CDH4: variants seen among roughly 807,000 people sequenced by gnomAD.
CDH4 encodes cadherin-4.
Under a neutral mutation model 86.0 loss-of-function variants are expected in CDH4, and 33 were observed. The ratio of observed to expected loss-of-function variants is 0.38; its 90% CI spans 0.29 to 0.51. The LOEUF is 0.51. Among genes scored for constraint, CDH4 ranks in the 20% least tolerant of loss-of-function variants. The probability of loss-of-function intolerance (pLI) is 0.86; values close to 1 mark genes in which losing one functional copy is unlikely to be tolerated. For synonymous variants in CDH4, 555 were observed against 549.4 expected (o/e 1.01, Z -0.14); for missense variants, 1,114 against 1,307.4 (o/e 0.85, Z 2.28).
intron 2 of CDH4, among the ~76,000 whole-genome samples, chr20:61,298,251 C>T (rs1257364254): frequency 2.0e-5 from 3 of 152,140 alleles, no homozygotes; most frequent in Admixed American, 6.5e-5. Flanking sequence ...ATAAGCATCC[C>T]GGCCACCAGC....
At chr20:61,306,847 T>A (rs569331932) in intron 2 of CDH4, among the ~76,000 whole-genome samples, 1 of 152,250 alleles carries the variant, frequency 6.6e-6, no homozygotes, top group East Asian at 1.9e-4. Context: ...TTTCGAACTT[T>A]GTGTCGACAG....
intron 2 of CDH4, among the ~76,000 whole-genome samples, chr20:61,409,011 G>A (rs1005326828): frequency 6.6e-6 from 1 of 152,210 alleles, no homozygotes; most frequent in African/African-American, 2.4e-5. Flanking sequence ...CGGAAACTGT[G>A]CAGTTTAGAA....
chr20:61,275,214 A>ATTTGGGGGAGTACCGTGTGCAG (rs2084221744), intron 2 of CDH4, among the ~76,000 whole-genome samples: 6 of 31,756 alleles, frequency 1.9e-4, no homozygotes, highest in Non-Finnish European at 2.9e-4. Context: ...ACTGTATGCA[A>ATTTGGGGGAGTACCGTGTGCAG]TTTGGGGGAG....
intron 2 of CDH4, among the ~76,000 whole-genome samples, chr20:61,376,003 T>TTTGTGC (rs2084869411): frequency 8.1e-5 from 1 of 12,418 alleles, no homozygotes; most frequent in Non-Finnish European, 1.7e-4. Flanking sequence ...TGTGATGGTC[T>TTTGTGC]TGGTGGTGGT....
chr20:61,781,332 G>A lies in CDH4; in HGVS notation c.576+8150G>A, dbSNP rs865846518. ...GAACCCTGAGATCACCCAGACATTG[G>A]AACTAGCAGCAAGGCCTTTAACATA... is the stretch of plus-strand genomic sequence containing the variant. On this transcript the variant is annotated intron_variant, in intron 4 of 15. Coordinates refer to ENST00000614565, the MANE Select transcript of CDH4 (RefSeq NM_001794.5). 8.5e-5 allele frequency among the ~76,000 whole-genome samples: 13 copies of A among 152,232 alleles called. 1 individual carries two copies. The highest frequency in any genetic ancestry group is 4.2e-4 in the South Asian group (2 of 4,818).
At chr20:61,648,114 G>C (rs1047851370) in intron 2 of CDH4, among the ~76,000 whole-genome samples, 2 of 152,250 alleles carry the variant, frequency 1.3e-5, no homozygotes, top group African/African-American at 4.8e-5. Context: ...CCTCAGAGGA[G>C]CGCAGGTGCA....
chr20:61,757,275 TG>T, intron 3 of CDH4, among the ~76,000 whole-genome samples: 1 of 149,524 alleles, frequency 6.7e-6, no homozygotes, highest in East Asian at 2.0e-4. Flanking sequence ...GTTTCGGGGG[TG>T]GTGGGCCGTC....
At chr20:61,361,772 C>T (rs562342118) in intron 2 of CDH4, among the ~76,000 whole-genome samples, 1 of 152,306 alleles carries the variant, frequency 6.6e-6, no homozygotes, top group African/African-American at 2.4e-5. Context: ...AGTCTGTGCT[C>T]GGGCATAGGG....
At chr20:61,905,359 G>A (rs771011071) in intron 8 of CDH4, among the ~76,000 whole-genome samples, 2 of 152,238 alleles carry the variant, frequency 1.3e-5, no homozygotes, top group African/African-American at 2.4e-5. Context: ...GCAAGGGAAT[G>A]GACGCAGAGA....
At chr20:61,786,568 A>G (rs1978894137) in intron 4 of CDH4, among the ~76,000 whole-genome samples, 1 of 152,148 alleles carries the variant, frequency 6.6e-6, no homozygotes, top group Admixed American at 6.6e-5. Context: ...GAAATGCTTT[A>G]ATGGCTATAT....
intron 4 of CDH4, among the ~76,000 whole-genome samples, chr20:61,791,928 G>A (rs1391232335): frequency 6.6e-6 from 1 of 152,114 alleles, no homozygotes; most frequent in Admixed American, 6.5e-5. Context: ...GCAGGAGCAG[G>A]TCCCAGGGCC....
chr20:61,362,586 TG>T (rs556621029), intron 2 of CDH4, among the ~76,000 whole-genome samples: 69 of 151,648 alleles, frequency 4.6e-4, no homozygotes, highest in South Asian at 1.0e-3. Flanking sequence ...AGCAGAGACG[TG>T]GCCTAGGACA....
At chr20:61,471,370 GTC>G (rs1483798114) in intron 2 of CDH4, among the ~76,000 whole-genome samples, 3 of 151,822 alleles carry the variant, frequency 2.0e-5, no homozygotes, top group African/African-American at 7.2e-5. Context: ...CAGTTGCAAT[GTC>G]TCTTTTTTCA....
At chr20:61,936,655 C>G in intron 15 of CDH4, 82 bp from the exon 16 acceptor site, 1 of 1,195,078 alleles carries the variant, frequency 8.4e-7, no homozygotes, top group South Asian at 1.8e-5. Flanking sequence ...ACCTCTTCTT[C>G]TGGGCCTCGC....
In CDH4 at chr20:61,852,891, C is replaced by T. The variant is rs921509312; in HGVS notation, c.870C>T (p.Ser290=). 5.5e-5 allele frequency: 88 copies of T among 1,613,730 alleles called. No homozygotes were observed. The highest frequency in any genetic ancestry group is 8.3e-5 in the Admixed American group (5 of 59,998). ...ACAACGGCTCCGTGGACGAGGGCTC[C>T]AAGCCAGGTGAGGCCTTTAGCGTTT... is the stretch of plus-strand genomic sequence containing the variant. The part of the protein sequence containing the change: ...QVYNGSVDEG[S]KPGTYVMTVT... The change falls in exon 6 of 16, where the codon TCC becomes TCT. Residue 290 remains serine (S), a synonymous_variant. Coordinates refer to ENST00000614565, the MANE Select transcript of CDH4 (RefSeq NM_001794.5).
intron 2 of CDH4, among the ~76,000 whole-genome samples, chr20:61,446,604 C>T (rs1264488903): frequency 7.3e-5 from 11 of 151,654 alleles, no homozygotes; most frequent in Non-Finnish European, 1.6e-4. Flanking sequence ...GGCTGTAAAG[C>T]GAATTCTTGT....
At chr20:61,272,291 A>G (rs1335096027) in intron 2 of CDH4, among the ~76,000 whole-genome samples, 1 of 152,186 alleles carries the variant, frequency 6.6e-6, no homozygotes, top group African/African-American at 2.4e-5. Flanking sequence ...AGGAGGCACT[A>G]ATTAATCACT....
intron 2 of CDH4, among the ~76,000 whole-genome samples, chr20:61,722,097 A>G (rs1015298606): frequency 3.3e-5 from 5 of 152,232 alleles, no homozygotes; most frequent in Admixed American, 1.3e-4. Context: ...TTGCAGAGAA[A>G]CATACAGACA....
Position 61,512,010 on chromosome 20 carries a change from G to A in CDH4, c.170-231553G>A, listed in dbSNP as rs79221574. Among the ~76,000 whole-genome samples the A allele has an allele frequency of 3.3e-3, 498 of 152,306 alleles. 1 individual carries two copies. The highest frequency in any genetic ancestry group is 0.011 in the African/African-American group (469 of 41,556). The stretch of plus-strand genomic sequence containing the variant: ...GGATCCTGAGATTTCACAGTAGGCC[G>A]AGAACACCCTCCATCCGCATTGATT... On this transcript the variant is annotated intron_variant, in intron 2 of 15. Coordinates refer to ENST00000614565, the MANE Select transcript of CDH4 (RefSeq NM_001794.5).
Sources: allele counts gnomAD v4.1 joint callset (sites outside exome capture counted in the v4.1 genomes callset), GRCh38; gene constraint gnomAD v4.1.1; transcripts MANE v1.5; gene names NCBI Gene and HGNC (gene_info 2026-07-23, HGNC 2026-07-21).